Variants in GPR176 observed in about 807,000 individuals in gnomAD.
GPR176 encodes the protein G-protein coupled receptor 176.
A neutral mutation model predicts 35.4 loss-of-function variants in GPR176; 26 were observed. That is an observed-to-expected ratio of 0.74 (90% CI 0.54 to 1.02). The LOEUF (loss-of-function observed/expected upper bound fraction) is 1.02. GPR176 is among the 50% of genes least tolerant of loss of function. The pLI, the probability that GPR176 is intolerant of heterozygous loss-of-function variation, is 0.00. For missense variants in GPR176, 597 were observed against 665.3 expected (o/e 0.90, Z 1.13); for synonymous variants, 278 against 271.3 (o/e 1.02, Z -0.24).
In GPR176 at chr15:39,802,036, A is replaced by G; in HGVS notation, c.644T>C (p.Ile215Thr). Reference protein sequence around the residue: ...YVLVYNITTVIVPVVVVFLFL... With the variant: ...YVLVYNITTVTVPVVVVFLFL... The stretch of plus-strand genomic sequence containing the variant: ...GAGGAACACCACCACCACAGGCACA[A>G]TGACCGTGGTGATGTTATACACCAG... The change falls in exon 3 of 3, where the codon ATT (isoleucine) becomes ACT (threonine). Residue 215 changes from isoleucine (I) to threonine (T), a missense_variant. Ile to Thr is a moderately conservative substitution (Grantham distance 89). This residue lies in a region of GPR176 where 220 missense variants were observed against 297.6 expected (regional missense o/e 0.74). Transcript: ENST00000561100. The G allele has an allele frequency of 6.2e-7, 1 of 1,614,066 alleles. No individual in the cohort carries two copies. Among genetic ancestry groups the G allele is most frequent in the Non-Finnish European group, 8.5e-7 (1 of 1,179,968 alleles).
At chr15:39,839,897 G>A (rs907925512) in intron 1 of GPR176, among the ~76,000 whole-genome samples, 28 of 152,170 alleles carry the variant, frequency 1.8e-4, no homozygotes, top group Non-Finnish European at 2.6e-4. Flanking sequence ...ATCACTGGTC[G>A]TCATTAGAGA....
chr15:39,824,026 G>A (rs369380200), intron 1 of GPR176, among the ~76,000 whole-genome samples: 27 of 152,332 alleles, frequency 1.8e-4, no homozygotes, highest in East Asian at 1.7e-3. Context: ...TCATGGGGGT[G>A]GATCCCTTAT....
chr15:39,917,628 G>A (rs7162104), intron 1 of GPR176, among the ~76,000 whole-genome samples: 2,831 of 151,538 alleles, frequency 0.019, 82 homozygotes, highest in African/African-American at 0.065. Flanking sequence ...GAGCCACCAC[G>A]CCAAGCCCAG....
chr15:39,873,871 A>G lies in GPR176; in HGVS notation c.172+45984T>C, dbSNP rs182235517. Among the ~76,000 whole-genome samples, 251 of 152,126 alleles carry G rather than the reference A, an allele frequency of 1.6e-3. 1 individual carries two copies. Among genetic ancestry groups the G allele is most frequent in the African/African-American group, 5.4e-3 (224 of 41,500 alleles). On this transcript the variant is annotated intron_variant, in intron 1 of 2. Transcript: ENST00000561100. ...CTTTATCACCAAGCAGAAAAGTACA[A>G]AGTCAGATGGTGAAATTCAAGCTGA...
Position 39,919,983 on chromosome 15 carries a change from G to T in GPR176, c.44C>A (p.Pro15Gln). 1.4e-6 allele frequency: 2 copies of T among 1,461,400 alleles called. No homozygotes were observed. Among genetic ancestry groups the T allele is most frequent in the Non-Finnish European group, 1.8e-6 (2 of 1,105,318 alleles). 90.5% of individuals were successfully genotyped at this position (1,461,400 alleles called of 1,614,324 possible). Residue 15 changes from proline (P) to glutamine (Q), a missense_variant, in exon 1 of 3, where the codon CCG becomes CAG. By Grantham distance (76) the Pro-to-Gln change is moderately conservative. Coordinates refer to ENST00000561100, the MANE Select transcript of GPR176 (RefSeq NM_007223.3). ...AGCCTCGGCGCCGGACGCGTTGTGC[G>T]GCTCGCTGGCATTTGGAGAGATCCA... Reference protein sequence around the residue: ...GSWISPNASEPHNASGAEAAG... With the variant: ...GSWISPNASEQHNASGAEAAG...
At chr15:39,893,952 C>T (rs1426736067) in intron 1 of GPR176, among the ~76,000 whole-genome samples, 3 of 79,326 alleles carry the variant, frequency 3.8e-5, no homozygotes, top group Admixed American at 2.5e-4. Context: ...GCTGGCCGGG[C>T]GGGGGGCTGA....
At chr15:39,916,077 C>A (rs914476925) in intron 1 of GPR176, among the ~76,000 whole-genome samples, 7 of 152,134 alleles carry the variant, frequency 4.6e-5, no homozygotes, top group East Asian at 1.9e-4. Context: ...AGCCACCTAC[C>A]TTTTTCAAGT....
At chr15:39,881,810 C>T (rs933527376) in intron 1 of GPR176, among the ~76,000 whole-genome samples, 28 of 152,172 alleles carry the variant, frequency 1.8e-4, no homozygotes, top group African/African-American at 6.8e-4. Flanking sequence ...TAAATACAAA[C>T]AGTGAATCTC....
intron 1 of GPR176, among the ~76,000 whole-genome samples, chr15:39,907,362 G>A (rs2033452184): frequency 6.6e-6 from 1 of 152,144 alleles, no homozygotes; most frequent in Admixed American, 6.5e-5. Flanking sequence ...CCTGGGCTTT[G>A]TGCTAACAAA....
chr15:39,903,460 T>C (rs981660127), intron 1 of GPR176, among the ~76,000 whole-genome samples: 1 of 152,170 alleles, frequency 6.6e-6, no homozygotes, highest in Non-Finnish European at 1.5e-5. Flanking sequence ...TATATTATTA[T>C]GTCATGGCAT....
At chr15:39,841,482 C>T (rs961668431) in intron 1 of GPR176, among the ~76,000 whole-genome samples, 3 of 151,926 alleles carry the variant, frequency 2.0e-5, no homozygotes, top group Non-Finnish European at 2.9e-5. Context: ...GAGATTTGTC[C>T]GCAGAGACAG....
intron 1 of GPR176, among the ~76,000 whole-genome samples, chr15:39,823,541 T>C (rs1482772327): frequency 6.6e-6 from 1 of 152,168 alleles, no homozygotes; most frequent in Non-Finnish European, 1.5e-5. Flanking sequence ...AGCACCACTC[T>C]GGCCTGTCAC....
intron 1 of GPR176, among the ~76,000 whole-genome samples, chr15:39,876,113 T>C (rs1257990923): frequency 6.6e-6 from 1 of 151,898 alleles, no homozygotes; most frequent in East Asian, 1.9e-4. Flanking sequence ...ATCCTGCCAC[T>C]GCACTCCAGC....
chr15:39,866,069 A>T (rs1277169283), intron 1 of GPR176, among the ~76,000 whole-genome samples: 2 of 152,146 alleles, frequency 1.3e-5, no homozygotes, highest in African/African-American at 4.8e-5. Context: ...TTTCCAAGAC[A>T]TATTGTTAAG....
intron 1 of GPR176, among the ~76,000 whole-genome samples, chr15:39,866,349 A>C (rs1210892917): frequency 6.6e-6 from 1 of 152,234 alleles, no homozygotes; most frequent in Non-Finnish European, 1.5e-5. Context: ...AAATTACATT[A>C]AACTAAAATG....
intron 1 of GPR176, among the ~76,000 whole-genome samples, chr15:39,848,985 G>A (rs1300118485): frequency 6.7e-6 from 1 of 148,450 alleles, no homozygotes; most frequent in Non-Finnish European, 1.5e-5. Context: ...TAGAAATCAA[G>A]GAAATTTAAA....
chr15:39,854,487 G>A (rs767915947), intron 1 of GPR176, among the ~76,000 whole-genome samples: 6 of 152,098 alleles, frequency 3.9e-5, no homozygotes, highest in Non-Finnish European at 7.3e-5. Flanking sequence ...TATGAATTTA[G>A]AATCTCAGGG....
intron 1 of GPR176, among the ~76,000 whole-genome samples, chr15:39,845,644 C>T (rs187168660): frequency 8.6e-5 from 13 of 152,004 alleles, no homozygotes; most frequent in Middle Eastern, 3.4e-3. Context: ...AAGCCAAGGG[C>T]GAAAACCCTG....
chr15:39,822,908 T>C (rs761303327), intron 1 of GPR176, among the ~76,000 whole-genome samples: 1 of 152,206 alleles, frequency 6.6e-6, no homozygotes, highest in Non-Finnish European at 1.5e-5. Flanking sequence ...GCTAGGCCTA[T>C]GGGATGGCAA....
Sources: allele counts gnomAD v4.1 joint callset (sites outside exome capture counted in the v4.1 genomes callset), GRCh38; gene constraint gnomAD v4.1.1; regional missense constraint gnomAD v4.1.1; transcripts MANE v1.5; gene names NCBI Gene and HGNC (gene_info 2026-07-23, HGNC 2026-07-21).